EEA1: variants seen among roughly 807,000 people sequenced by gnomAD.
EEA1 encodes early endosome antigen 1, 162kD.
A neutral mutation model predicts 209.2 loss-of-function variants in EEA1; 111 were observed. That is an observed-to-expected ratio of 0.53 (90% CI 0.45 to 0.62). The LOEUF is 0.62. Among genes scored for constraint, EEA1 ranks in the 20% least tolerant of loss-of-function variants. The pLI, the probability that EEA1 is intolerant of heterozygous loss-of-function variation, is 0.00. For synonymous variants in EEA1, 536 were observed against 540.6 expected, an observed-to-expected ratio of 0.99 and a Z score of 0.12; for missense variants, 1,343 against 1,530.8, an observed-to-expected ratio of 0.88 and a Z score of 2.05.
chr12:92,889,463 A>G (rs1172859408), intron 2 of EEA1, among the ~76,000 whole-genome samples: 1 of 151,832 alleles, frequency 6.6e-6, no homozygotes, highest in Non-Finnish European at 1.5e-5. Context: ...AAATCAAAAT[A>G]TAACCAAAAT....
intron 22 of EEA1, among the ~76,000 whole-genome samples, chr12:92,786,931 T>C (rs1015735675): frequency 6.6e-6 from 1 of 152,182 alleles, no homozygotes; most frequent in Non-Finnish European, 1.5e-5. Context: ...ATGTTAACTG[T>C]CTGCTTGCTT....
At chr12:92,816,067 A>G (rs953693724) in intron 15 of EEA1, 133 bp downstream of exon 15, 3 of 750,922 alleles carry the variant, frequency 4.0e-6, no homozygotes, top group Non-Finnish European at 6.3e-6. Context: ...AATTATCTAG[A>G]TATAGCCTTT....
chr12:92,829,138 G>C (rs554899414), intron 11 of EEA1, among the ~76,000 whole-genome samples: 66 of 152,224 alleles, frequency 4.3e-4, no homozygotes, highest in African/African-American at 1.6e-3. Flanking sequence ...TGAGGGATGT[G>C]TCTTTTAGAA....
chr12:92,797,502 C>A (rs147926017), intron 21 of EEA1, among the ~76,000 whole-genome samples: 139 of 152,222 alleles, frequency 9.1e-4, no homozygotes, highest in Middle Eastern at 3.4e-3. Context: ...GTCAACTGTA[C>A]AGGCAATATA....
chr12:92,853,057 C>T lies in EEA1; in HGVS notation c.407-32G>A, dbSNP rs540242465. ...AAAAGTGTCGCAGTTATTCAAATAC[C>T]ATGTTAATTACATATGCTAAATTGT... On this transcript the variant is annotated intron_variant, in intron 6 of 28. Coordinates refer to ENST00000322349, the MANE Select transcript of EEA1 (RefSeq NM_003566.4). 5.2e-6 allele frequency: 7 copies of T among 1,346,048 alleles called. No homozygotes were observed. The East Asian group carries it at 1.6e-4, about 31-fold the overall frequency. The allele number at this position is 1,346,048 out of a possible 1,614,324, so 83.4% of individuals were successfully genotyped here.
At position 92,774,440 on chromosome 12, in the gene EEA1, G is replaced by A. The variant is rs1873568391; in HGVS notation, c.*1571C>T. The A allele has an allele frequency of 6.6e-6, 1 of 151,370 alleles. No homozygotes were observed. Among genetic ancestry groups the A allele is most frequent in the South Asian group, 2.1e-4 (1 of 4,822 alleles). The allele number at this position is 151,370 out of a possible 1,614,324, so 9.4% of individuals were successfully genotyped here. On this transcript the variant is annotated 3_prime_UTR_variant, in exon 29 of 29. Transcript: ENST00000322349. ...ATATTTGAAAGCAAATGTATATTAAGAACTATTATAAATGAAATATTAACT... is the reference window on the plus strand; with the variant it reads ...ATATTTGAAAGCAAATGTATATTAAAAACTATTATAAATGAAATATTAACT...
intron 16 of EEA1, among the ~76,000 whole-genome samples, chr12:92,812,103 G>A (rs1875547143): frequency 6.6e-6 from 1 of 152,092 alleles, no homozygotes; most frequent in African/African-American, 2.4e-5. Context: ...GGCCAAGGTG[G>A]GTGAATCACC....
chr12:92,828,324 G>C (rs2136689080), intron 11 of EEA1, among the ~76,000 whole-genome samples: 1 of 152,084 alleles, frequency 6.6e-6, no homozygotes, highest in East Asian at 1.9e-4. Flanking sequence ...TAAAACAAAT[G>C]CAGGTTCTTG....
Position 92,852,986 on chromosome 12 carries a change from G to A in EEA1, c.446C>T (p.Thr149Ile). 1 of 1,611,374 alleles carries A rather than the reference G, an allele frequency of 6.2e-7. No homozygotes were observed. Among genetic ancestry groups the A allele is most frequent in the Non-Finnish European group, 8.5e-7 (1 of 1,178,800 alleles). ...CATTTGCTTAATATTAAAATTTTCT[G>A]TTTGGGCTTCTTCTAATTGCTGTTC... ...SLEQQLEEAQ[T>I]ENFNIKQMKD... The change falls in exon 7 of 29, where the codon ACA becomes ATA. Residue 149 changes from threonine (T) to isoleucine (I), a missense_variant. By Grantham distance (89) the Thr-to-Ile change is moderately conservative. Transcript: ENST00000322349.
chr12:92,912,109 A>G (rs1175519270), intron 1 of EEA1, among the ~76,000 whole-genome samples: 2 of 152,220 alleles, frequency 1.3e-5, no homozygotes, highest in Non-Finnish European at 2.9e-5. Context: ...AATCTAACCC[A>G]AATGACATCA....
intron 1 of EEA1, among the ~76,000 whole-genome samples, chr12:92,893,431 A>G (rs1275283599): frequency 6.6e-6 from 1 of 152,188 alleles, no homozygotes; most frequent in Admixed American, 6.5e-5. Flanking sequence ...TCTGTTAGAC[A>G]TCTCCACTGA....
At chr12:92,827,110 C>T (rs1167608479) in intron 12 of EEA1, among the ~76,000 whole-genome samples, 1 of 152,114 alleles carries the variant, frequency 6.6e-6, no homozygotes, top group African/African-American at 2.4e-5. Flanking sequence ...AATCCCAGCA[C>T]TTTGGGAGGC....
intron 1 of EEA1, among the ~76,000 whole-genome samples, chr12:92,921,866 C>CAAAAAAAAAAAAAAAA (rs756583756): frequency 1.2e-5 from 1 of 83,448 alleles, no homozygotes. Flanking sequence ...GACTCTGTCT[C>CAAAAAAAAAAAAAAAA]AAAAAAAAAA....
chr12:92,776,230 A>G, intron 28 of EEA1, 97 bp from the exon 29 acceptor site: 2 of 1,174,564 alleles, frequency 1.7e-6, no homozygotes, highest in Middle Eastern at 2.0e-4. Flanking sequence ...ATGAAGGTAC[A>G]TTAGCTTTCA....
chr12:92,861,665 T>C (rs960254288), intron 3 of EEA1, among the ~76,000 whole-genome samples: 1 of 152,122 alleles, frequency 6.6e-6, no homozygotes, highest in African/African-American at 2.4e-5. Context: ...AAGATAGCTC[T>C]ATCTACCTTG....
intron 9 of EEA1, 103 bp downstream of exon 9, chr12:92,851,008 T>C: frequency 1.8e-6 from 2 of 1,096,994 alleles, no homozygotes; most frequent in South Asian, 1.8e-5. Flanking sequence ...AAGACAAATA[T>C]TTTGATAGGC....
intron 18 of EEA1, among the ~76,000 whole-genome samples, chr12:92,803,311 T>C (rs557143174): frequency 5.5e-4 from 83 of 152,220 alleles, no homozygotes; most frequent in African/African-American, 1.9e-3. Context: ...ACAAAGGATT[T>C]GTTATCATTT....
intron 13 of EEA1, among the ~76,000 whole-genome samples, chr12:92,823,157 C>T (rs1296706073): frequency 6.6e-6 from 1 of 152,142 alleles, no homozygotes; most frequent in Non-Finnish European, 1.5e-5. Flanking sequence ...TATTCCCACC[C>T]AAATCCATCT....
intron 2 of EEA1, among the ~76,000 whole-genome samples, chr12:92,882,722 G>T (rs1191357424): frequency 6.6e-6 from 1 of 152,178 alleles, no homozygotes; most frequent in Non-Finnish European, 1.5e-5. Flanking sequence ...GCCTCTAGCT[G>T]CATCAGTATT....
Sources: allele counts gnomAD v4.1 joint callset (sites outside exome capture counted in the v4.1 genomes callset), GRCh38; gene constraint gnomAD v4.1.1; transcripts MANE v1.5; gene names NCBI Gene and HGNC (gene_info 2026-07-23, HGNC 2026-07-21).